Variants in CNTNAP2 observed in about 807,000 individuals in gnomAD.
The protein encoded by CNTNAP2 is contactin-associated protein-like 2.
Under a neutral mutation model 155.2 loss-of-function variants are expected in CNTNAP2, and 98 were observed. That is an observed-to-expected ratio of 0.63 (90% CI 0.54 to 0.75). The LOEUF (loss-of-function observed/expected upper bound fraction) is 0.75. CNTNAP2 is among the 30% of genes least tolerant of loss of function. The probability of loss-of-function intolerance (pLI) is 0.00; values close to 1 mark genes in which losing one functional copy is unlikely to be tolerated. For missense variants in CNTNAP2, 1,727 were observed against 1,688.1 expected, an observed-to-expected ratio of 1.02 and a Z score of -0.40; for synonymous variants, 651 against 631.2, an observed-to-expected ratio of 1.03 and a Z score of -0.47.
At chr7:148,016,289 C>G (rs887525262) in intron 15 of CNTNAP2, among the ~76,000 whole-genome samples, 1 of 152,186 alleles carries the variant, frequency 6.6e-6, no homozygotes, top group Non-Finnish European at 1.5e-5. Context: ...ATTGTGATAC[C>G]TCTGTCCACC....
At chr7:146,430,650 A>G (rs1796161200) in intron 1 of CNTNAP2, among the ~76,000 whole-genome samples, 1 of 152,026 alleles carries the variant, frequency 6.6e-6, no homozygotes, top group Admixed American at 6.6e-5. Context: ...TTTTACACCT[A>G]AAGCAGCTAG....
chr7:147,282,991 T>A (rs1016838767), intron 8 of CNTNAP2, among the ~76,000 whole-genome samples: 2 of 151,962 alleles, frequency 1.3e-5, no homozygotes, highest in Non-Finnish European at 2.9e-5. Flanking sequence ...AAAAATTTTA[T>A]GAAGACATTG....
At chr7:146,793,463 G>T (rs894279229) in intron 2 of CNTNAP2, among the ~76,000 whole-genome samples, 1 of 152,192 alleles carries the variant, frequency 6.6e-6, no homozygotes, top group Non-Finnish European at 1.5e-5. Context: ...ATCATATGCA[G>T]TGGCATTAAT....
chr7:147,430,047 T>C (rs1002840041), intron 10 of CNTNAP2, among the ~76,000 whole-genome samples: 1 of 152,190 alleles, frequency 6.6e-6, no homozygotes, highest in African/African-American at 2.4e-5. Context: ...ATGTGGGGTC[T>C]TTTTTGGTTT....
intron 4 of CNTNAP2, among the ~76,000 whole-genome samples, chr7:147,048,179 A>G (rs79992116): frequency 0.071 from 10,214 of 144,198 alleles, 431 homozygotes; most frequent in Middle Eastern, 0.15. Flanking sequence ...GGTTCACGCC[A>G]TTCTCCTGGG....
intron 21 of CNTNAP2, among the ~76,000 whole-genome samples, chr7:148,362,213 A>AAAAAC (rs1554424295): frequency 6.6e-6 from 1 of 150,618 alleles, no homozygotes; most frequent in Admixed American, 6.6e-5. Flanking sequence ...AAAAAAACAA[A>AAAAAC]AAACAAAACC....
At chr7:146,335,994 G>A (rs1801268292) in intron 1 of CNTNAP2, among the ~76,000 whole-genome samples, 1 of 152,126 alleles carries the variant, frequency 6.6e-6, no homozygotes, top group Non-Finnish European at 1.5e-5. Context: ...AAGGCTGGGA[G>A]TTTGAGACCA....
At chr7:146,418,855 C>T (rs193261666) in intron 1 of CNTNAP2, among the ~76,000 whole-genome samples, 11 of 152,090 alleles carry the variant, frequency 7.2e-5, no homozygotes, top group African/African-American at 2.2e-4. Flanking sequence ...AGAAGGAAGA[C>T]GAAGTGAAGA....
At chr7:147,975,443 ATTCAT>A (rs149662534) in intron 14 of CNTNAP2, among the ~76,000 whole-genome samples, 15,273 of 151,870 alleles carry the variant, frequency 0.1, 981 homozygotes, top group African/African-American at 0.19. Context: ...CATGATCATT[ATTCAT>A]TTCATTACAG....
At chr7:147,403,968 C>T (rs1415531651) in intron 10 of CNTNAP2, among the ~76,000 whole-genome samples, 1 of 152,130 alleles carries the variant, frequency 6.6e-6, no homozygotes, top group Non-Finnish European at 1.5e-5. Flanking sequence ...TGACCATCTC[C>T]TTCTCTTTTT....
At chr7:147,950,364 C>CAAAAAAAAAAAAAAAAAAAAAAAAAAA (rs386411606) in intron 14 of CNTNAP2, among the ~76,000 whole-genome samples, 2 of 55,782 alleles carry the variant, frequency 3.6e-5, no homozygotes, top group East Asian at 9.6e-4. Flanking sequence ...CATAGAGAGG[C>CAAAAAAAAAAAAAAAAAAAAAAAAAAA]AAAAAAAAAA....
chr7:146,494,127 G>C (rs937815153), intron 1 of CNTNAP2, among the ~76,000 whole-genome samples: 1 of 152,164 alleles, frequency 6.6e-6, no homozygotes, highest in Non-Finnish European at 1.5e-5. Flanking sequence ...AAGGTCAGGA[G>C]ATCGAGACCA....
rs866052903 is a variant in CNTNAP2, at chr7:147,772,485, C to T, written c.2099-131080C>T. The stretch of plus-strand genomic sequence containing the variant: ...ATATATATATATATATATATATATA[C>T]ACACACAAAAAAAAAACCACAAAAG... On this transcript the variant is annotated intron_variant, in intron 13 of 23. Transcript: ENST00000361727. Among the ~76,000 whole-genome samples, 366 of 63,810 alleles carry T rather than the reference C, an allele frequency of 5.7e-3. 4 individuals are homozygous for T. The highest frequency in any genetic ancestry group is 0.013 in the African/African-American group (197 of 14,708). The allele number at this position is 63,810 out of a possible 152,430, so 41.9% of individuals were successfully genotyped here. A position where few individuals can be genotyped will look rare whatever the true frequency, so the allele number is the denominator to read the frequency against.
chr7:146,913,119 G>A (rs539286753), intron 3 of CNTNAP2, among the ~76,000 whole-genome samples: 1 of 152,114 alleles, frequency 6.6e-6, no homozygotes, highest in Non-Finnish European at 1.5e-5. Flanking sequence ...TAGAGAAAGA[G>A]GGCCTGAACC....
chr7:146,777,387 T>C (rs1179728299), intron 2 of CNTNAP2, among the ~76,000 whole-genome samples: 1 of 152,172 alleles, frequency 6.6e-6, no homozygotes, highest in Non-Finnish European at 1.5e-5. Context: ...GTAACTAAGC[T>C]ATATCTTCAC....
At chr7:146,178,064 C>T (rs190815498) in intron 1 of CNTNAP2, among the ~76,000 whole-genome samples, 1 of 152,194 alleles carries the variant, frequency 6.6e-6, no homozygotes, top group East Asian at 1.9e-4. Flanking sequence ...GACGGAGTCT[C>T]GTTCTGTCAC....
intron 21 of CNTNAP2, among the ~76,000 whole-genome samples, chr7:148,296,621 T>C (rs1170001308): frequency 6.7e-6 from 1 of 150,116 alleles, no homozygotes; most frequent in African/African-American, 2.5e-5. Flanking sequence ...GTTAAGGTGA[T>C]GTGAGAAAGC....
At chr7:148,350,460 C>G (rs2037869) in intron 21 of CNTNAP2, among the ~76,000 whole-genome samples, 10 of 151,960 alleles carry the variant, frequency 6.6e-5, no homozygotes, top group African/African-American at 2.2e-4. Context: ...TGAGGTCATG[C>G]GTAGTAAACA....
chr7:147,141,551 TA>T (rs539936611), intron 8 of CNTNAP2, among the ~76,000 whole-genome samples: 7 of 151,192 alleles, frequency 4.6e-5, no homozygotes, highest in African/African-American at 1.2e-4. Flanking sequence ...TTTCATAGAT[TA>T]AAAAAAAACA....
Sources: gnomAD v4.1 joint callset for allele counts (sites outside exome capture counted in the v4.1 genomes callset) on GRCh38, gnomAD v4.1.1 for gene constraint, MANE v1.5 for transcripts, NCBI Gene and HGNC (gene_info 2026-07-23, HGNC 2026-07-21) for gene names.